The following CACNB4 variants were observed in gnomAD, a reference collection of about 807,000 sequenced individuals.
CACNB4 encodes calcium voltage-gated channel auxiliary subunit beta 4, also known as voltage-dependent L-type calcium channel subunit beta-4.
A neutral mutation model predicts 71.2 loss-of-function variants in CACNB4; 32 were observed. The ratio of observed to expected loss-of-function variants is 0.45; its 90% CI spans 0.34 to 0.60. The LOEUF (loss-of-function observed/expected upper bound fraction) is 0.60, where lower values mean the gene tolerates loss of function less well. Ranked by LOEUF, CACNB4 falls within the 20% of genes least tolerant of loss-of-function variation. CACNB4 has a pLI of 0.01. For synonymous variants in CACNB4, 231 were observed against 236.9 expected (o/e 0.97, Z 0.23); for missense variants, 464 against 647.9 (o/e 0.72, Z 3.08).
intron 2 of CACNB4, among the ~76,000 whole-genome samples, chr2:152,054,802 G>C (rs1240205959): frequency 6.6e-6 from 1 of 152,060 alleles, no homozygotes; most frequent in East Asian, 1.9e-4. Flanking sequence ...GTTTTGAATT[G>C]CATTTCCTCC....
chr2:151,976,638 G>C (rs995681120), intron 2 of CACNB4, among the ~76,000 whole-genome samples: 1 of 152,082 alleles, frequency 6.6e-6, no homozygotes, highest in Non-Finnish European at 1.5e-5. Context: ...CCCAATACTC[G>C]GGCTGATCCC....
intron 2 of CACNB4, among the ~76,000 whole-genome samples, chr2:152,058,119 T>C (rs1685817673): frequency 6.6e-6 from 1 of 152,208 alleles, no homozygotes; most frequent in East Asian, 1.9e-4. Context: ...CACTTTCCCT[T>C]TGCCTTCCTC....
intron 2 of CACNB4, among the ~76,000 whole-genome samples, chr2:152,049,195 C>T (rs1685292435): frequency 6.6e-6 from 1 of 150,930 alleles, no homozygotes; most frequent in African/African-American, 2.5e-5. Flanking sequence ...TTTTGAGTCT[C>T]ACTCTGTTGC....
At chr2:151,866,468 T>C (rs1444981943) in intron 9 of CACNB4, 2 of 152,368 alleles carry the variant, frequency 1.3e-5, no homozygotes, top group East Asian at 3.9e-4. Flanking sequence ...CTTGTCATTG[T>C]TCTCTTGGCT....
chr2:151,895,489 A>G (rs1159938826), intron 2 of CACNB4, among the ~76,000 whole-genome samples: 1 of 151,870 alleles, frequency 6.6e-6, no homozygotes, highest in Non-Finnish European at 1.5e-5. Context: ...AAATTGTGTT[A>G]AATTTACTGA....
At chr2:152,038,021 C>T (rs1168489257) in intron 2 of CACNB4, among the ~76,000 whole-genome samples, 1 of 152,216 alleles carries the variant, frequency 6.6e-6, no homozygotes, top group Non-Finnish European at 1.5e-5. Flanking sequence ...GAATCTTCAG[C>T]ATTCATCTGG....
chr2:151,988,535 C>A (rs1681505285), intron 2 of CACNB4, among the ~76,000 whole-genome samples: 1 of 152,068 alleles, frequency 6.6e-6, no homozygotes, highest in African/African-American at 2.4e-5. Flanking sequence ...GCTGGAGCTG[C>A]TATAAAAAAA....
At chr2:151,942,419 G>A (rs1278591611) in intron 2 of CACNB4, among the ~76,000 whole-genome samples, 2 of 149,214 alleles carry the variant, frequency 1.3e-5, no homozygotes, top group Non-Finnish European at 2.9e-5. Flanking sequence ...CAGGACCACT[G>A]TGATAATTGT....
chr2:151,880,759 CT>C lies in CACNB4; in HGVS notation c.390+40del, dbSNP rs1350740027. On this transcript the variant is annotated intron_variant, in intron 4 of 13. Transcript: ENST00000539935. Reference sequence around the variant, plus strand: ...GCTCAGAGCTGATTCCTGGCTTCAGCTTTTTGGCAGGTGAAGGGATGCAGTA... The same window carrying C: ...GCTCAGAGCTGATTCCTGGCTTCAGCTTTTGGCAGGTGAAGGGATGCAGTA... 6.9e-6 allele frequency: 11 copies of C among 1,592,934 alleles called. No homozygotes were observed. In the Admixed American group the frequency reaches 1.8e-4, roughly 25 times the overall value.
At chr2:151,925,302 T>C (rs550177706) in intron 2 of CACNB4, among the ~76,000 whole-genome samples, 92 of 152,378 alleles carry the variant, frequency 6.0e-4, no homozygotes, top group Admixed American at 1.6e-3. Flanking sequence ...GGTAGTCACA[T>C]ATCAGAAATA....
At position 151,832,924 on chromosome 2, in the gene CACNB4, ACAC is replaced by A. The variant is rs1248718468; in HGVS notation, c.*6192_*6194del. The A allele has an allele frequency of 6.6e-6, 1 of 152,212 alleles. No individual in the cohort carries two copies. Among genetic ancestry groups the A allele is most frequent in the Non-Finnish European group, 1.5e-5 (1 of 68,018 alleles). 9.4% of individuals were successfully genotyped at this position (152,212 alleles called of 1,614,324 possible). The stretch of plus-strand genomic sequence containing the variant: ...GTTAATGTTTTTATTCACAAAAATA[ACAC>A]CACGTTTTTTTCTTTAAAGCCACTA... On this transcript the variant is annotated 3_prime_UTR_variant, in exon 14 of 14. Coordinates refer to ENST00000539935, the MANE Select transcript of CACNB4 (RefSeq NM_000726.5).
chr2:151,880,783 G>C lies in CACNB4; in HGVS notation c.390+17C>G. On this transcript the variant is annotated intron_variant, in intron 4 of 13. Transcript: ENST00000539935. ...GCTTTTTGGCAGGTGAAGGGATGCA[G>C]TATGTTCTACATTTACCTCTTTAAT... is the stretch of plus-strand genomic sequence containing the variant. 1 of 1,604,580 alleles carries C rather than the reference G, an allele frequency of 6.2e-7. No individual in the cohort carries two copies. Among genetic ancestry groups the C allele is most frequent in the Non-Finnish European group, 8.5e-7 (1 of 1,175,526 alleles).
At position 151,859,620 on chromosome 2, in the gene CACNB4, T is replaced by C. The variant is rs545231441; in HGVS notation, c.868+1091A>G. 7 of 152,342 alleles carry C rather than the reference T, an allele frequency of 4.6e-5. No individual in the cohort carries two copies. The East Asian group carries it at 9.6e-4, about 21-fold the overall frequency. 9.4% of individuals were successfully genotyped at this position (152,342 alleles called of 1,614,324 possible). On this transcript the variant is annotated intron_variant, in intron 10 of 13. Transcript: ENST00000539935. ...GCCTTTGAGCATGTTTCCCTCTGCA[T>C]GTGGAAGGCTCTAAATACAAGACAA...
chr2:151,845,181 C>T (rs968340050), intron 12 of CACNB4, among the ~76,000 whole-genome samples: 1 of 152,192 alleles, frequency 6.6e-6, no homozygotes, highest in Non-Finnish European at 1.5e-5. Context: ...TTCTCTTTGC[C>T]AATGAATGGA....
rs534678081 is a variant in CACNB4, at chr2:152,098,906, A to C, written c.63+43T>G. On this transcript the variant is annotated intron_variant, in intron 1 of 13. Transcript: ENST00000539935. This position sits in a 1 kb window ranked among gnomAD's most constrained non-coding sequence, Gnocchi z 5.3. Reference sequence around the variant, plus strand: ...CTAGGGCGGCGGAGGAGGTGTGAGGAAGGAAGAGGAGGAAGAGGAGAAGGG... The same window carrying C: ...CTAGGGCGGCGGAGGAGGTGTGAGGCAGGAAGAGGAGGAAGAGGAGAAGGG... The C allele has an allele frequency of 6.5e-6, 8 of 1,225,634 alleles. No individual in the cohort carries two copies. The African/African-American group carries it at 9.5e-5, about 15-fold the overall frequency. 75.9% of individuals were successfully genotyped at this position (1,225,634 alleles called of 1,614,324 possible).
Position 151,889,507 on chromosome 2 carries a change from C to T in CACNB4, c.148-6137G>A, listed in dbSNP as rs533234419. Reference sequence around the variant, plus strand: ...AAAAAGTTGCATTAAGTGGACTAAGCGATCATGGAATATTCAGAGAAATAT... The same window carrying T: ...AAAAAGTTGCATTAAGTGGACTAAGTGATCATGGAATATTCAGAGAAATAT... On this transcript the variant is annotated intron_variant, in intron 2 of 13. Coordinates refer to ENST00000539935, the MANE Select transcript of CACNB4 (RefSeq NM_000726.5). Among the ~76,000 whole-genome samples, 34 of 150,182 alleles carry T rather than the reference C, an allele frequency of 2.3e-4. 1 individual carries two copies. The highest frequency in any genetic ancestry group is 1.3e-3 in the South Asian group (6 of 4,704).
chr2:151,874,936 C>T, intron 5 of CACNB4: 2 of 399,240 alleles, frequency 5.0e-6, no homozygotes. Context: ...CTGTCTTCAC[C>T]CAAATACCAG....
At chr2:151,887,138 C>T (rs1009840859) in intron 2 of CACNB4, among the ~76,000 whole-genome samples, 2 of 152,130 alleles carry the variant, frequency 1.3e-5, no homozygotes, top group South Asian at 2.1e-4. Context: ...TAACTGAAGA[C>T]GTAAAGGTTA....
At chr2:151,868,203 A>T (rs1195163550) in intron 9 of CACNB4, 1 of 152,206 alleles carries the variant, frequency 6.6e-6, no homozygotes, top group Admixed American at 6.5e-5. Context: ...TTACATTTTA[A>T]AATTATTTTG....
Sources: allele counts gnomAD v4.1 joint callset (sites outside exome capture counted in the v4.1 genomes callset), GRCh38; gene constraint gnomAD v4.1.1; non-coding constraint Gnocchi (gnomAD v3.1); transcripts MANE v1.5; gene names NCBI Gene and HGNC (gene_info 2026-07-23, HGNC 2026-07-21).